GAB1: variants seen among roughly 807,000 people sequenced by gnomAD.
GAB1 encodes GRB2-associated-binding protein 1.
Under a neutral mutation model 66.5 loss-of-function variants are expected in GAB1, and 19 were observed. The observed-to-expected ratio is 0.29, with a 90% CI of 0.20 to 0.42. GAB1 has a LOEUF of 0.42. GAB1 is among the 10% of genes least tolerant of loss of function. GAB1 has a pLI of 1.00. For synonymous variants in GAB1, 294 were observed against 301.4 expected (o/e 0.98, Z 0.25); for missense variants, 732 against 858.5 (o/e 0.85, Z 1.84).
At chr4:143,415,931 T>G (rs1431411610) in intron 2 of GAB1, among the ~76,000 whole-genome samples, 160 bp downstream of exon 2, 2 of 152,084 alleles carry the variant, frequency 1.3e-5, no homozygotes, top group African/African-American at 4.8e-5. Context: ...TTAATTAGTT[T>G]GGGGAGAAGC....
At chr4:143,456,195 C>T (rs1005623865) in intron 6 of GAB1, among the ~76,000 whole-genome samples, 19 of 152,204 alleles carry the variant, frequency 1.2e-4, no homozygotes, top group African/African-American at 3.1e-4. Context: ...CGGTGGCTTA[C>T]GCCTGTAATC....
At chr4:143,431,741 G>A (rs2149743709) in intron 2 of GAB1, among the ~76,000 whole-genome samples, 1 of 152,260 alleles carries the variant, frequency 6.6e-6, no homozygotes, top group South Asian at 2.1e-4. Flanking sequence ...CATGGTTACA[G>A]GTCACACTTC....
At chr4:143,437,933 A>G (rs1191431525) in intron 3 of GAB1, 66 bp from the exon 4 acceptor site, 2 of 1,452,388 alleles carry the variant, frequency 1.4e-6, no homozygotes, top group African/African-American at 1.4e-5. Flanking sequence ...AGCGATAAAC[A>G]TGTTTATAAA....
In GAB1 at chr4:143,336,928, T is replaced by G. The variant is rs1581203497; in HGVS notation, c.-261T>G. On this transcript the variant is annotated 5_prime_UTR_variant, in exon 1 of 10. Transcript: ENST00000262994. Reference sequence around the variant, plus strand: ...GAGGCAGCTGGCGAGACGGCACGTCTGGAGGCGAGGCGGGCGCACTGAAAG... The same window carrying G: ...GAGGCAGCTGGCGAGACGGCACGTCGGGAGGCGAGGCGGGCGCACTGAAAG... The G allele has an allele frequency of 2.1e-6, 1 of 472,538 alleles. No individual in the cohort carries two copies. The highest frequency in any genetic ancestry group is 3.7e-6 in the Non-Finnish European group (1 of 266,858). 29.3% of individuals were successfully genotyped at this position (472,538 alleles called of 1,614,324 possible). A position where few individuals can be genotyped will look rare whatever the true frequency, so the allele number is the denominator to read the frequency against.
intron 1 of GAB1, among the ~76,000 whole-genome samples, chr4:143,383,642 T>A (rs772083360): frequency 6.6e-6 from 1 of 152,070 alleles, no homozygotes; most frequent in Non-Finnish European, 1.5e-5. Context: ...GACTATAAAC[T>A]GTTTTGAAAC....
chr4:143,426,021 T>A, intron 2 of GAB1: 1 of 613,732 alleles, frequency 1.6e-6, no homozygotes, highest in South Asian at 2.0e-5. Context: ...AAAGAAAAAA[T>A]TAACTCCAGG....
intron 1 of GAB1, among the ~76,000 whole-genome samples, chr4:143,412,281 A>G (rs140457780): frequency 1.3e-3 from 196 of 152,302 alleles, no homozygotes; most frequent in African/African-American, 4.6e-3. Flanking sequence ...TGTTTTGTGC[A>G]TGTGTTTTGG....
chr4:143,340,406 C>CT (rs1356472018), intron 1 of GAB1, among the ~76,000 whole-genome samples: 20 of 152,138 alleles, frequency 1.3e-4, no homozygotes, highest in Non-Finnish European at 2.4e-4. Context: ...GCCCATGGGA[C>CT]TTTGACAGTT....
intron 1 of GAB1, among the ~76,000 whole-genome samples, chr4:143,337,513 C>T (rs904192486): frequency 3.3e-5 from 5 of 152,226 alleles, no homozygotes; most frequent in Non-Finnish European, 7.3e-5. Context: ...CTGTTCGCCC[C>T]ATAAAAGGAC....
intron 1 of GAB1, among the ~76,000 whole-genome samples, chr4:143,364,612 C>G (rs1484591120): frequency 6.6e-6 from 1 of 152,142 alleles, no homozygotes; most frequent in Non-Finnish European, 1.5e-5. Context: ...TTCAGCAGAA[C>G]GGCTTTTTCC....
chr4:143,395,632 C>A lies in GAB1; in HGVS notation c.73-19845C>A, dbSNP rs545122209. The A allele has an allele frequency of 4.3e-5, 12 of 278,724 alleles. No individual in the cohort carries two copies. The East Asian group carries it at 1.3e-3, about 31-fold the overall frequency. 17.3% of individuals were successfully genotyped at this position (278,724 alleles called of 1,614,324 possible). ...ATTAAAGACCTTTAGTTGTAACTCT[C>A]CCTAAAATGTTTGTGAGAGCTTGTA... On this transcript the variant is annotated intron_variant, in intron 1 of 9. Coordinates refer to ENST00000262994, the MANE Select transcript of GAB1 (RefSeq NM_002039.4).
At chr4:143,442,475 A>G (rs1204372743) in intron 6 of GAB1, among the ~76,000 whole-genome samples, 1 of 152,216 alleles carries the variant, frequency 6.6e-6, no homozygotes, top group Non-Finnish European at 1.5e-5. Flanking sequence ...TGTGGTAAGC[A>G]TAATATGAAA....
At chr4:143,432,082 A>G (rs1364659030) in intron 2 of GAB1, among the ~76,000 whole-genome samples, 1 of 152,242 alleles carries the variant, frequency 6.6e-6, no homozygotes, top group Non-Finnish European at 1.5e-5. Flanking sequence ...GTCATATGCA[A>G]ATAGGTTTCT....
chr4:143,456,651 T>G (rs1259004291), intron 6 of GAB1, among the ~76,000 whole-genome samples: 1 of 152,166 alleles, frequency 6.6e-6, no homozygotes, highest in Non-Finnish European at 1.5e-5. Flanking sequence ...TTAGGAAATT[T>G]TATTTTTTAT....
intron 1 of GAB1, among the ~76,000 whole-genome samples, chr4:143,358,592 C>T (rs558101248): frequency 5.8e-4 from 89 of 152,224 alleles, no homozygotes; most frequent in African/African-American, 2.0e-3. Flanking sequence ...ACAATTTATT[C>T]AAGTCCTAAA....
intron 1 of GAB1, among the ~76,000 whole-genome samples, chr4:143,373,300 AT>A (rs1730226391): frequency 6.6e-6 from 1 of 152,240 alleles, no homozygotes; most frequent in Admixed American, 6.5e-5. Flanking sequence ...CTCAAACTTC[AT>A]CTAGGTGTTT....
chr4:143,386,119 G>A (rs1358664369), intron 1 of GAB1, among the ~76,000 whole-genome samples: 1 of 152,126 alleles, frequency 6.6e-6, no homozygotes, highest in Non-Finnish European at 1.5e-5. Flanking sequence ...TCCAGCCTGG[G>A]CAACAGAGTG....
chr4:143,451,515 C>T (rs565329305), intron 6 of GAB1, among the ~76,000 whole-genome samples: 9 of 152,168 alleles, frequency 5.9e-5, no homozygotes, highest in African/African-American at 1.9e-4. Flanking sequence ...TTAAGTCAAG[C>T]TTTGGGTTAG....
At chr4:143,447,417 C>T (rs1040415878) in intron 6 of GAB1, among the ~76,000 whole-genome samples, 8 of 152,166 alleles carry the variant, frequency 5.3e-5, no homozygotes, top group African/African-American at 1.9e-4. Flanking sequence ...TTGATTCTTC[C>T]TACCGATGAG....
Sources: allele counts gnomAD v4.1 joint callset (sites outside exome capture counted in the v4.1 genomes callset), GRCh38; gene constraint gnomAD v4.1.1; transcripts MANE v1.5; gene names NCBI Gene and HGNC (gene_info 2026-07-23, HGNC 2026-07-21).